The following SDK1 variants were observed in gnomAD, a reference collection of about 807,000 sequenced individuals.
SDK1 encodes protein sidekick-1.
In SDK1, 157 loss-of-function variants were observed where a neutral mutation model predicts 245.5. That is an observed-to-expected ratio of 0.64 (90% CI 0.56 to 0.73). The LOEUF (loss-of-function observed/expected upper bound fraction) is 0.73, where lower values mean the gene tolerates loss of function less well. Ranked by LOEUF, SDK1 falls within the 30% of genes least tolerant of loss-of-function variation. SDK1 has a pLI of 0.00. For missense variants in SDK1, 3,583 were observed against 3,002.3 expected (o/e 1.19, Z -4.52); for synonymous variants, 1,647 against 1,278.5 (o/e 1.29, Z -6.15).
At chr7:3,805,885 C>G (rs1418080112) in intron 4 of SDK1, among the ~76,000 whole-genome samples, 2 of 152,150 alleles carry the variant, frequency 1.3e-5, no homozygotes, top group Non-Finnish European at 2.9e-5. Flanking sequence ...CCCTTTTTCT[C>G]CTTCCAAGTC....
At chr7:3,809,832 T>C (rs1412085019) in intron 4 of SDK1, among the ~76,000 whole-genome samples, 1 of 152,148 alleles carries the variant, frequency 6.6e-6, no homozygotes, top group African/African-American at 2.4e-5. Flanking sequence ...GAGTGCCTCG[T>C]TCCGCAGAAA....
At chr7:3,316,868 CTATT>C (rs1308979907) in intron 1 of SDK1, among the ~76,000 whole-genome samples, 1 of 152,038 alleles carries the variant, frequency 6.6e-6, no homozygotes, top group Non-Finnish European at 1.5e-5. Flanking sequence ...TGGGCAAACA[CTATT>C]TAAACCTTTT....
intron 4 of SDK1, among the ~76,000 whole-genome samples, chr7:3,669,295 A>T (rs948717262): frequency 6.6e-6 from 1 of 152,352 alleles, no homozygotes; most frequent in Non-Finnish European, 1.5e-5. Flanking sequence ...TCTCATAAAC[A>T]GATACAGAAA....
chr7:3,834,770 G>C (rs775167813), intron 5 of SDK1, among the ~76,000 whole-genome samples: 5 of 152,276 alleles, frequency 3.3e-5, no homozygotes, highest in Non-Finnish European at 7.4e-5. Flanking sequence ...CGCAAGCCAC[G>C]GGAAGAGTGC....
In SDK1 at chr7:3,770,390, G is replaced by A. The variant is rs534165563; in HGVS notation, c.714-51060G>A. On this transcript the variant is annotated intron_variant, in intron 4 of 44. Coordinates refer to ENST00000404826, the MANE Select transcript of SDK1 (RefSeq NM_152744.4). ...TTGAAGGACACCTGGGATATTTACAGTTTTGGGCTTCTGTGAACATTCATG... is the reference window on the plus strand; with the variant it reads ...TTGAAGGACACCTGGGATATTTACAATTTTGGGCTTCTGTGAACATTCATG... 3.9e-5 allele frequency among the ~76,000 whole-genome samples: 6 copies of A among 152,272 alleles called. No individual in the cohort carries two copies. In the South Asian group the frequency reaches 1.2e-3, roughly 32 times the overall value.
chr7:3,816,182 A>G (rs1266649748), intron 4 of SDK1, among the ~76,000 whole-genome samples: 2 of 150,622 alleles, frequency 1.3e-5, no homozygotes, highest in African/African-American at 2.5e-5. Context: ...CACAATTAAA[A>G]GAACTAGAAA....
intron 5 of SDK1, among the ~76,000 whole-genome samples, chr7:3,837,544 T>C (rs966740727): frequency 1.1e-4 from 17 of 152,202 alleles, no homozygotes; most frequent in African/African-American, 3.9e-4. Context: ...GGTTGCCTCT[T>C]CGTTCTTGAG....
At chr7:4,224,020 C>G (rs987324583) in intron 40 of SDK1, among the ~76,000 whole-genome samples, 9 of 152,150 alleles carry the variant, frequency 5.9e-5, no homozygotes, top group African/African-American at 2.2e-4. Context: ...AAACCCAACT[C>G]TTCATACGTC....
chr7:3,733,140 G>C lies in SDK1; in HGVS notation c.714-88310G>C, dbSNP rs112500103. Reference sequence around the variant, plus strand: ...GTTTGACAAGTTTCTTGGAAAGAACGTTAGGTAACTATGGATGGCTCCCTG... The same window carrying C: ...GTTTGACAAGTTTCTTGGAAAGAACCTTAGGTAACTATGGATGGCTCCCTG... On this transcript the variant is annotated intron_variant, in intron 4 of 44. Transcript: ENST00000404826. Among the ~76,000 whole-genome samples, 566 of 152,266 alleles carry C rather than the reference G, an allele frequency of 3.7e-3. 8 individuals are homozygous for C. Among genetic ancestry groups the C allele is most frequent in the African/African-American group, 0.013 (529 of 41,540 alleles).
At chr7:3,454,373 C>T (rs896115434) in intron 1 of SDK1, among the ~76,000 whole-genome samples, 21 of 110,100 alleles carry the variant, frequency 1.9e-4, no homozygotes, top group Non-Finnish European at 2.9e-4. Context: ...TCGATTTTTT[C>T]GTGTTCCCCA....
chr7:3,382,042 G>A (rs1415682072), intron 1 of SDK1, among the ~76,000 whole-genome samples: 1 of 152,118 alleles, frequency 6.6e-6, no homozygotes, highest in Non-Finnish European at 1.5e-5. Context: ...CAGTCAAAAA[G>A]CTAAACACCT....
intron 13 of SDK1, among the ~76,000 whole-genome samples, chr7:3,985,941 T>C (rs1783797285): frequency 6.6e-6 from 1 of 152,136 alleles, no homozygotes; most frequent in African/African-American, 2.4e-5. Context: ...GTACCTGATG[T>C]CTGAGAGACC....
intron 4 of SDK1, among the ~76,000 whole-genome samples, chr7:3,775,734 A>G (rs971489090): frequency 6.6e-6 from 1 of 151,476 alleles, no homozygotes. Context: ...CCGCCACCGC[A>G]CCCGGCTAAT....
At chr7:3,914,456 A>G (rs569990681) in intron 5 of SDK1, among the ~76,000 whole-genome samples, 3 of 152,350 alleles carry the variant, frequency 2.0e-5, no homozygotes, top group African/African-American at 7.2e-5. Context: ...GAAATGAGAA[A>G]ACCTAAGATT....
chr7:3,658,075 G>C (rs924439007), intron 4 of SDK1, among the ~76,000 whole-genome samples: 2 of 152,192 alleles, frequency 1.3e-5, no homozygotes, highest in African/African-American at 4.8e-5. Context: ...CTTCGGTGGG[G>C]CTCCTTCTCT....
intron 1 of SDK1, among the ~76,000 whole-genome samples, chr7:3,496,178 A>C (rs113770686): frequency 1.3e-5 from 2 of 151,982 alleles, no homozygotes; most frequent in African/African-American, 2.4e-5. Context: ...CTGCCTCCTC[A>C]TTGAAATGAG....
intron 44 of SDK1, among the ~76,000 whole-genome samples, chr7:4,256,676 G>A (rs1319279733): frequency 6.6e-6 from 1 of 152,216 alleles, no homozygotes; most frequent in Non-Finnish European, 1.5e-5. Flanking sequence ...CCTCGGCCCT[G>A]GCTTCAAGCC....
At chr7:3,975,948 G>A (rs1029201333) in intron 13 of SDK1, among the ~76,000 whole-genome samples, 17 of 138,882 alleles carry the variant, frequency 1.2e-4, no homozygotes, top group East Asian at 6.5e-4. Context: ...CCGGGGCTGA[G>A]GCTGCCACGC....
chr7:4,225,827 C>T (rs1389497287), intron 40 of SDK1, among the ~76,000 whole-genome samples: 1 of 152,030 alleles, frequency 6.6e-6, no homozygotes, highest in African/African-American at 2.4e-5. Flanking sequence ...AAGAAGACCC[C>T]AGCTTTTTCG....
Sources: gnomAD v4.1 joint callset for allele counts (sites outside exome capture counted in the v4.1 genomes callset) on GRCh38, gnomAD v4.1.1 for gene constraint, MANE v1.5 for transcripts, NCBI Gene and HGNC (gene_info 2026-07-23, HGNC 2026-07-21) for gene names.